Variants in FRMD6 observed in about 807,000 individuals in gnomAD.
FRMD6 encodes FERM domain-containing protein 6.
Under a neutral mutation model 73.2 loss-of-function variants are expected in FRMD6, and 37 were observed. That is an observed-to-expected ratio of 0.51 (90% CI 0.39 to 0.66). The LOEUF is 0.66. Ranked by LOEUF, FRMD6 falls within the 30% of genes least tolerant of loss-of-function variation. The probability of loss-of-function intolerance (pLI) is 0.00; values close to 1 mark genes in which losing one functional copy is unlikely to be tolerated. For missense variants in FRMD6, 714 were observed against 780.5 expected (o/e 0.91, Z 1.02); for synonymous variants, 273 against 282.2 (o/e 0.97, Z 0.33).
the FRMD6 span, among the ~76,000 whole-genome samples, chr14:51,459,884 C>CTTTTTTTT: frequency 0.023 from 1,747 of 74,482 alleles, 247 homozygotes; most frequent in African/African-American, 0.079. Flanking sequence ...TACTGACTCT[C>CTTTTTTTT]TTTTTTTTTT....
intron 10 of FRMD6, among the ~76,000 whole-genome samples, chr14:51,716,491 C>T (rs1897249529): frequency 6.6e-6 from 1 of 152,098 alleles, no homozygotes; most frequent in Admixed American, 6.5e-5. Context: ...CACCTCAGAC[C>T]TCATCTTTCC....
intron 2 of FRMD6, among the ~76,000 whole-genome samples, chr14:51,692,009 C>T (rs1895622067): frequency 6.6e-6 from 1 of 152,168 alleles, no homozygotes; most frequent in South Asian, 2.1e-4. Flanking sequence ...AAAGTTTCTG[C>T]TTATTGCTAT....
chr14:51,583,789 A>G (rs1307009045), intron 2 of FRMD6, among the ~76,000 whole-genome samples: 4 of 152,214 alleles, frequency 2.6e-5, no homozygotes, highest in African/African-American at 9.6e-5. Flanking sequence ...GAAAGCTGTT[A>G]GTGGACAACT....
At chr14:51,665,075 G>T (rs1160216349) in intron 1 of FRMD6, among the ~76,000 whole-genome samples, 1 of 152,136 alleles carries the variant, frequency 6.6e-6, no homozygotes. Context: ...CAAGCCTGTG[G>T]CCCACCAACA....
chr14:51,488,790 C>G (rs1447426062), upstream of FRMD6, among the ~76,000 whole-genome samples: 2 of 152,202 alleles, frequency 1.3e-5, no homozygotes, highest in Admixed American at 1.3e-4. Flanking sequence ...AGCTGCTGAT[C>G]TATTTGAACG....
intron 1 of FRMD6, among the ~76,000 whole-genome samples, chr14:51,546,270 G>A (rs4901136): frequency 0.51 from 77,126 of 151,718 alleles, 19,805 homozygotes; most frequent in South Asian, 0.55. Context: ...ATGAGTGCTC[G>A]GTTTCTCTGG....
upstream of FRMD6, among the ~76,000 whole-genome samples, chr14:51,485,849 A>G (rs1027079297): frequency 1.6e-4 from 24 of 152,040 alleles, no homozygotes; most frequent in African/African-American, 5.3e-4. Context: ...AACTTTCCCG[A>G]GGTGAGGAAG....
At chr14:51,656,174 T>C (rs1249437841) in intron 1 of FRMD6, among the ~76,000 whole-genome samples, 1 of 152,236 alleles carries the variant, frequency 6.6e-6, no homozygotes, top group Non-Finnish European at 1.5e-5. Context: ...TGATCACTTT[T>C]TGTATATATC....
intron 2 of FRMD6, among the ~76,000 whole-genome samples, chr14:51,587,920 G>A (rs1026377232): frequency 6.6e-6 from 1 of 151,832 alleles, no homozygotes; most frequent in African/African-American, 2.4e-5. Flanking sequence ...AAAGTTTAGG[G>A]TTACAGCACG....
chr14:51,408,792 T>C, the FRMD6 span, among the ~76,000 whole-genome samples: 1 of 152,190 alleles, frequency 6.6e-6, no homozygotes, highest in African/African-American at 2.4e-5. Context: ...GAAGCTTGTT[T>C]TCTGGCATTT....
chr14:51,486,032 T>C (rs559497331), upstream of FRMD6, among the ~76,000 whole-genome samples: 24 of 151,408 alleles, frequency 1.6e-4, no homozygotes, highest in African/African-American at 4.6e-4. Flanking sequence ...CTTTTCTTTT[T>C]TTTTTTTTTT....
At chr14:51,518,317 A>G (rs1426040388) in intron 1 of FRMD6, among the ~76,000 whole-genome samples, 4 of 152,208 alleles carry the variant, frequency 2.6e-5, no homozygotes, top group Non-Finnish European at 5.9e-5. Flanking sequence ...GTAGATTTAG[A>G]TGTAGACCAC....
In FRMD6 at chr14:51,506,993, T is replaced by C. The variant is rs1363205207; in HGVS notation, c.-210+17573T>C. Among the ~76,000 whole-genome samples, 7 of 152,286 alleles carry C rather than the reference T, an allele frequency of 4.6e-5. No homozygotes were observed. The South Asian group carries it at 1.5e-3, about 32-fold the overall frequency. ...AAACAATCATGAGGAATGTGTATTA[T>C]AATGTTAATTGTGCTTGTTCCCAGT... On this transcript the variant is annotated intron_variant, in intron 1 of 14. Transcript: ENST00000356218.
chr14:51,477,418 G>GA, the FRMD6 span, among the ~76,000 whole-genome samples: 35 of 151,948 alleles, frequency 2.3e-4, no homozygotes, highest in African/African-American at 7.5e-4. Flanking sequence ...GTCCCTTCTT[G>GA]AAAAAAGAAT....
At chr14:51,703,906 A>C (rs1282129672) in intron 5 of FRMD6, among the ~76,000 whole-genome samples, 2 of 152,054 alleles carry the variant, frequency 1.3e-5, no homozygotes, top group Non-Finnish European at 2.9e-5. Flanking sequence ...GTACACACAC[A>C]TTTTTACTTT....
chr14:51,437,533 A>G, the FRMD6 span, among the ~76,000 whole-genome samples: 1 of 152,126 alleles, frequency 6.6e-6, no homozygotes, highest in African/African-American at 2.4e-5. Flanking sequence ...CAATCTCCTG[A>G]ACTTGTGATC....
chr14:51,534,546 G>A (rs377009458), intron 1 of FRMD6, among the ~76,000 whole-genome samples: 3 of 152,118 alleles, frequency 2.0e-5, no homozygotes, highest in African/African-American at 4.8e-5. Context: ...AAATATCACC[G>A]TCTCTCTCTT....
At chr14:51,426,351 G>T in the FRMD6 span, among the ~76,000 whole-genome samples, 76 of 152,144 alleles carry the variant, frequency 5.0e-4, 1 homozygote, top group East Asian at 0.014. Flanking sequence ...GCCCGCGTCT[G>T]TGTGTCCTTC....
intron 2 of FRMD6, among the ~76,000 whole-genome samples, chr14:51,585,939 G>GTGTGTGTGTGTGTATATATATATA: frequency 4.5e-4 from 14 of 31,408 alleles, no homozygotes; most frequent in African/African-American, 8.9e-4. Context: ...GTGTGTGTGT[G>GTGTGTGTGTGTGTATATATATATA]TATATATATA....
Sources: allele counts gnomAD v4.1 joint callset (sites outside exome capture counted in the v4.1 genomes callset), GRCh38; gene constraint gnomAD v4.1.1; transcripts MANE v1.5; gene names NCBI Gene and HGNC (gene_info 2026-07-23, HGNC 2026-07-21).